CDH4: variants seen among roughly 807,000 people sequenced by gnomAD.
CDH4 encodes cadherin 4.
A neutral mutation model predicts 86.0 loss-of-function variants in CDH4; 33 were observed. The observed-to-expected ratio is 0.38, with a 90% CI of 0.29 to 0.51. CDH4 has a LOEUF of 0.51. CDH4 is among the 20% of genes least tolerant of loss of function. CDH4 has a pLI of 0.86. For synonymous variants in CDH4, 555 were observed against 549.4 expected (o/e 1.01, Z -0.14); for missense variants, 1,114 against 1,307.4 (o/e 0.85, Z 2.28).
intron 2 of CDH4, among the ~76,000 whole-genome samples, chr20:61,640,188 CTTGGTCTTT>C (rs2086990467): frequency 6.6e-6 from 1 of 152,202 alleles, no homozygotes; most frequent in South Asian, 2.1e-4. Flanking sequence ...GTTGACTCTT[CTTGGTCTTT>C]GTGACATTAT....
chr20:61,646,614 C>T lies in CDH4; in HGVS notation c.170-96949C>T, dbSNP rs148362090. Among the ~76,000 whole-genome samples the T allele has an allele frequency of 6.3e-3, 966 of 152,344 alleles. 9 individuals are homozygous for T. The highest frequency in any genetic ancestry group is 0.024 in the Middle Eastern group (7 of 294). The stretch of plus-strand genomic sequence containing the variant: ...GACGAAGGTAAAGAGGGGCCGTGCC[C>T]TGGGGCTCTGAGCAGCTTCTGCTCT... On this transcript the variant is annotated intron_variant, in intron 2 of 15. Transcript: ENST00000614565.
chr20:61,345,037 G>A (rs2084670282), intron 2 of CDH4, among the ~76,000 whole-genome samples: 1 of 152,222 alleles, frequency 6.6e-6, no homozygotes, highest in Admixed American at 6.5e-5. Context: ...AGCTACTTAT[G>A]CGCAGGTAAT....
chr20:61,652,477 C>T (rs79410195), intron 2 of CDH4, among the ~76,000 whole-genome samples: 4,674 of 152,244 alleles, frequency 0.031, 128 homozygotes, highest in African/African-American at 0.075. Context: ...TCCTTTATGA[C>T]GGTTGGCTGA....
chr20:61,254,006 C>T (rs1249328062), intron 1 of CDH4, among the ~76,000 whole-genome samples: 1 of 152,246 alleles, frequency 6.6e-6, no homozygotes, highest in Non-Finnish European at 1.5e-5. Context: ...GCCTGTCACG[C>T]CCCCTCCCAG....
At chr20:61,831,027 G>C (rs1467517867) in intron 4 of CDH4, among the ~76,000 whole-genome samples, 5 of 152,156 alleles carry the variant, frequency 3.3e-5, no homozygotes, top group African/African-American at 1.2e-4. Flanking sequence ...CTGGGAAAGA[G>C]GGCCGGGGTC....
chr20:61,781,120 C>G (rs1008923692), intron 4 of CDH4, among the ~76,000 whole-genome samples: 1 of 152,132 alleles, frequency 6.6e-6, no homozygotes, highest in African/African-American at 2.4e-5. Flanking sequence ...TGAGATATGC[C>G]TCCAGCCAAG....
At chr20:61,861,387 T>G (rs1983315834) in intron 6 of CDH4, among the ~76,000 whole-genome samples, 1 of 151,998 alleles carries the variant, frequency 6.6e-6, no homozygotes, top group African/African-American at 2.4e-5. Flanking sequence ...TAGTTTTATT[T>G]CCCCCGCATA....
chr20:61,863,816 C>G (rs1054082767), intron 6 of CDH4, among the ~76,000 whole-genome samples: 1 of 152,112 alleles, frequency 6.6e-6, no homozygotes, highest in African/African-American at 2.4e-5. Context: ...TAGTGCCAAG[C>G]CCCACCTGGC....
intron 2 of CDH4, among the ~76,000 whole-genome samples, chr20:61,589,866 C>T (rs2086505050): frequency 6.6e-6 from 1 of 151,254 alleles, no homozygotes; most frequent in Non-Finnish European, 1.5e-5. Context: ...CCCCAGGGAG[C>T]TCCCAGACAT....
At chr20:61,477,127 C>G (rs6121597) in intron 2 of CDH4, among the ~76,000 whole-genome samples, 1 of 152,122 alleles carries the variant, frequency 6.6e-6, no homozygotes, top group African/African-American at 2.4e-5. Flanking sequence ...GGGAGAGATG[C>G]CTGGTCCCTG....
chr20:61,391,672 C>T (rs919287768), intron 2 of CDH4, among the ~76,000 whole-genome samples: 4 of 152,218 alleles, frequency 2.6e-5, no homozygotes, highest in Non-Finnish European at 5.9e-5. Context: ...AGCTCTTCTT[C>T]TCTCCCGTGG....
chr20:61,326,678 T>C (rs181344697), intron 2 of CDH4, among the ~76,000 whole-genome samples: 186 of 152,336 alleles, frequency 1.2e-3, no homozygotes, highest in Middle Eastern at 3.4e-3. Flanking sequence ...TTTGCAAATG[T>C]GCTGACTGAG....
At chr20:61,907,158 C>A (rs2054798654) in intron 8 of CDH4, among the ~76,000 whole-genome samples, 1 of 152,128 alleles carries the variant, frequency 6.6e-6, no homozygotes, top group Admixed American at 6.5e-5. Context: ...GGGACTATCA[C>A]CTCCACCTCA....
chr20:61,331,654 G>GATCTACCTCCTGACCCGA (rs2084578552), intron 2 of CDH4, among the ~76,000 whole-genome samples: 3 of 2,876 alleles, frequency 1.0e-3, no homozygotes, highest in South Asian at 0.033. Context: ...TCCCGCCCCA[G>GATCTACCTCCTGACCCGA]CCACCTGCCC....
intron 2 of CDH4, among the ~76,000 whole-genome samples, chr20:61,538,135 A>G (rs7264041): frequency 0.33 from 50,317 of 151,618 alleles, 14,124 homozygotes; most frequent in African/African-American, 0.76. Context: ...AGTCCACCCA[A>G]AGCTGTATTT....
chr20:61,512,278 G>A (rs2085785813), intron 2 of CDH4, among the ~76,000 whole-genome samples: 1 of 152,164 alleles, frequency 6.6e-6, no homozygotes, highest in Non-Finnish European at 1.5e-5. Flanking sequence ...GGCAGTGATT[G>A]GAGTGTGTAT....
At chr20:61,806,978 C>T (rs1980173025) in intron 4 of CDH4, among the ~76,000 whole-genome samples, 1 of 152,216 alleles carries the variant, frequency 6.6e-6, no homozygotes, top group Non-Finnish European at 1.5e-5. Context: ...CTCCAAATCA[C>T]AGCTACACTT....
chr20:61,321,070 G>A (rs1429411440), intron 2 of CDH4, among the ~76,000 whole-genome samples: 1 of 152,146 alleles, frequency 6.6e-6, no homozygotes, highest in African/African-American at 2.4e-5. Flanking sequence ...GTCCTCGGTG[G>A]GGTGGCATTG....
chr20:61,396,467 T>C lies in CDH4; in HGVS notation c.169+141530T>C, dbSNP rs746184934. 7.2e-5 allele frequency among the ~76,000 whole-genome samples: 11 copies of C among 152,236 alleles called. 1 individual carries two copies. The highest frequency in any genetic ancestry group is 6.8e-3 in the Middle Eastern group (2 of 294). ...AGCGTCCGGTGTTTCTCAAATTGCGTTCTGCGCATAGACCACCTGGGGTGC... is the reference window on the plus strand; with the variant it reads ...AGCGTCCGGTGTTTCTCAAATTGCGCTCTGCGCATAGACCACCTGGGGTGC... On this transcript the variant is annotated intron_variant, in intron 2 of 15. Transcript: ENST00000614565.
Sources: gnomAD v4.1 joint callset for allele counts (sites outside exome capture counted in the v4.1 genomes callset) on GRCh38, gnomAD v4.1.1 for gene constraint, MANE v1.5 for transcripts, NCBI Gene and HGNC (gene_info 2026-07-23, HGNC 2026-07-21) for gene names.